The following PCDHA9 variants were observed in gnomAD, a reference collection of about 807,000 sequenced individuals.
The protein encoded by PCDHA9 is protocadherin alpha-9.
In PCDHA9, 62 loss-of-function variants were observed where a neutral mutation model predicts 62.0. The observed-to-expected ratio is 1.00, with a 90% CI of 0.81 to 1.23. The LOEUF is 1.23. PCDHA9 is among the 50% of genes most tolerant of loss of function. PCDHA9 has a pLI of 0.00. For missense variants in PCDHA9, 1,205 were observed against 1,249.8 expected (o/e 0.96, Z 0.54); for synonymous variants, 557 against 567.6 (o/e 0.98, Z 0.27).
intron 1 of PCDHA9, among the ~76,000 whole-genome samples, chr5:140,942,439 A>C (rs1554214983): frequency 6.6e-6 from 1 of 152,200 alleles, no homozygotes; most frequent in Non-Finnish European, 1.5e-5. Context: ...AACAATAAAC[A>C]AGTAAACTAT....
At chr5:140,873,653 C>A (rs2054406845) in intron 1 of PCDHA9, among the ~76,000 whole-genome samples, 1 of 152,104 alleles carries the variant, frequency 6.6e-6, no homozygotes, top group Non-Finnish European at 1.5e-5. Context: ...AACTACATAA[C>A]ACACTATTAT....
At chr5:140,950,168 T>C (rs2094454639) in intron 1 of PCDHA9, among the ~76,000 whole-genome samples, 1 of 151,996 alleles carries the variant, frequency 6.6e-6, no homozygotes, top group Non-Finnish European at 1.5e-5. Context: ...TTATGTACTT[T>C]AGAGAATTAA....
intron 1 of PCDHA9, among the ~76,000 whole-genome samples, chr5:140,972,657 CA>C (rs1342092810): frequency 2.8e-5 from 4 of 143,798 alleles, no homozygotes; most frequent in South Asian, 4.5e-4. Context: ...AAAAAGAAAC[CA>C]AATTTTTTTT....
intron 1 of PCDHA9, chr5:140,856,606 CA>C: frequency 6.3e-7 from 1 of 1,597,764 alleles, no homozygotes; most frequent in Non-Finnish European, 8.6e-7. Flanking sequence ...ACAAAAAAGA[CA>C]AAGACAAATT....
chr5:140,866,355 C>T (rs1031469942), intron 1 of PCDHA9: 16 of 152,086 alleles, frequency 1.1e-4, no homozygotes, highest in African/African-American at 3.6e-4. Flanking sequence ...GAAATGTTTA[C>T]AATATTGCAT....
intron 1 of PCDHA9, among the ~76,000 whole-genome samples, chr5:140,948,351 A>C (rs951541212): frequency 6.6e-6 from 1 of 151,646 alleles, no homozygotes; most frequent in African/African-American, 2.4e-5. Flanking sequence ...TTCTAACCTA[A>C]TAAAATGACT....
intron 1 of PCDHA9, chr5:140,881,515 A>T (rs574115987): frequency 4.8e-6 from 1 of 207,066 alleles, no homozygotes; most frequent in Admixed American, 6.5e-5. Context: ...CACATACAAA[A>T]TCCCACACAT....
At chr5:140,970,006 A>G (rs2096376265) in intron 1 of PCDHA9, among the ~76,000 whole-genome samples, 1 of 152,158 alleles carries the variant, frequency 6.6e-6, no homozygotes, top group Non-Finnish European at 1.5e-5. Context: ...GAGGGAGTGG[A>G]TGATGGTGAG....
chr5:140,978,703 G>C (rs556167285), intron 1 of PCDHA9, among the ~76,000 whole-genome samples: 1 of 152,328 alleles, frequency 6.6e-6, no homozygotes, highest in East Asian at 1.9e-4. Context: ...AGCCAAAGGT[G>C]GCCTTTACAA....
intron 1 of PCDHA9, among the ~76,000 whole-genome samples, chr5:140,935,413 T>C (rs1011900671): frequency 1.3e-5 from 2 of 152,246 alleles, no homozygotes; most frequent in Non-Finnish European, 2.9e-5. Flanking sequence ...ACAATGGACT[T>C]AGAAAACAAT....
rs375261398 is a variant in PCDHA9 at position 140,910,786 on chromosome 5, A to G, written c.2394+59897A>G. On this transcript the variant is annotated intron_variant, in intron 1 of 3. Transcript: ENST00000532602. ...TAAACTCCCCAAGCTGCAACATTAA[A>G]TGCAGAATCCCTGCTTAGTGGGCCC... is the stretch of plus-strand genomic sequence containing the variant. 2.6e-3 allele frequency among the ~76,000 whole-genome samples: 391 copies of G among 152,326 alleles called. 2 individuals are homozygous for G. Among genetic ancestry groups the G allele is most frequent in the African/African-American group, 9.1e-3 (380 of 41,560 alleles).
At chr5:140,927,220 A>T (rs1554204179) in intron 1 of PCDHA9, 1 of 1,614,090 alleles carries the variant, frequency 6.2e-7, no homozygotes, top group Admixed American at 1.7e-5. Flanking sequence ...GCTGCACAAG[A>T]TTCGGATTCA....
chr5:140,919,231 C>T (rs984376374), intron 1 of PCDHA9, among the ~76,000 whole-genome samples: 1 of 152,160 alleles, frequency 6.6e-6, no homozygotes, highest in Admixed American at 6.6e-5. Context: ...TCTAGTAACA[C>T]TTTTTGTCTT....
At chr5:140,875,508 G>A (rs1007736035) in intron 1 of PCDHA9, 19 of 1,613,588 alleles carry the variant, frequency 1.2e-5, no homozygotes, top group Non-Finnish European at 1.6e-5. Flanking sequence ...CGGGATCCCA[G>A]CGTCTGCTGC....
intron 1 of PCDHA9, among the ~76,000 whole-genome samples, chr5:140,889,560 T>C (rs2062271183): frequency 6.6e-6 from 1 of 152,204 alleles, no homozygotes. Context: ...TCTTCAGAAT[T>C]CTGCTTTCTG....
At chr5:140,856,980 A>G in intron 1 of PCDHA9, 1 of 1,594,908 alleles carries the variant, frequency 6.3e-7, no homozygotes, top group African/African-American at 1.3e-5. Context: ...GACTTTGAGG[A>G]CAGTAACACT....
intron 1 of PCDHA9, among the ~76,000 whole-genome samples, chr5:140,964,836 T>G (rs1306843318): frequency 1.3e-5 from 2 of 152,148 alleles, no homozygotes; most frequent in African/African-American, 4.8e-5. Flanking sequence ...AATTGCTTCC[T>G]ACTCTGTACC....
rs150226999 is a variant in PCDHA9, at chr5:140,970,370, C to T, written c.2395-8579C>T. 2.1e-3 allele frequency among the ~76,000 whole-genome samples: 315 copies of T among 152,234 alleles called. 1 individual carries two copies. The highest frequency in any genetic ancestry group is 7.2e-3 in the African/African-American group (299 of 41,540). On this transcript the variant is annotated intron_variant, in intron 1 of 3. Coordinates refer to ENST00000532602, the MANE Select transcript of PCDHA9 (RefSeq NM_031857.2). ...GGATCTAAAATTTGATTTGCTATAG[C>T]TTCAAAAGGCTGGCTTGGAAAGTGG...
chr5:140,924,064 G>A (rs1584331926), intron 1 of PCDHA9, among the ~76,000 whole-genome samples: 1 of 152,172 alleles, frequency 6.6e-6, no homozygotes. Context: ...CTTTACAGTT[G>A]TATTTCATCT....
Sources: gnomAD v4.1 joint callset for allele counts (sites outside exome capture counted in the v4.1 genomes callset) on GRCh38, gnomAD v4.1.1 for gene constraint, MANE v1.5 for transcripts, NCBI Gene and HGNC (gene_info 2026-07-23, HGNC 2026-07-21) for gene names.